AUTS2: variants seen among roughly 807,000 people sequenced by gnomAD.
AUTS2 encodes the protein autism susceptibility gene 2 protein.
A neutral mutation model predicts 112.4 loss-of-function variants in AUTS2; 17 were observed. The ratio of observed to expected loss-of-function variants is 0.15; its 90% CI spans 0.10 to 0.23. The LOEUF is 0.23. AUTS2 is among the 10% of genes least tolerant of loss of function. The pLI is 1.00. For synonymous variants in AUTS2, 751 were observed against 702.7 expected (o/e 1.07, Z -1.09); for missense variants, 1,510 against 1,701.6 (o/e 0.89, Z 1.98).
intron 18 of AUTS2, among the ~76,000 whole-genome samples, chr7:70,788,658 A>C (rs962467568): frequency 1.3e-5 from 2 of 152,218 alleles, no homozygotes; most frequent in African/African-American, 2.4e-5. Flanking sequence ...AAAGTCAGGA[A>C]GCTTAATAAA....
chr7:70,565,104 T>A (rs1339213372), intron 5 of AUTS2, among the ~76,000 whole-genome samples: 1 of 151,852 alleles, frequency 6.6e-6, no homozygotes, highest in African/African-American at 2.4e-5. Context: ...TCTCAAAAAA[T>A]AAATAAATAA....
intron 1 of AUTS2, among the ~76,000 whole-genome samples, chr7:69,769,615 T>C (rs1788576326): frequency 6.6e-6 from 1 of 152,224 alleles, no homozygotes; most frequent in Non-Finnish European, 1.5e-5. Context: ...TCCCCTCCTT[T>C]CCTGGGAGCT....
chr7:70,516,353 C>G (rs1339213086), intron 5 of AUTS2, among the ~76,000 whole-genome samples: 1 of 152,154 alleles, frequency 6.6e-6, no homozygotes, highest in Non-Finnish European at 1.5e-5. Context: ...ATGGTACTGC[C>G]AGCAAAGAGA....
At chr7:69,944,045 A>G (rs1405097592) in intron 2 of AUTS2, among the ~76,000 whole-genome samples, 1 of 152,224 alleles carries the variant, frequency 6.6e-6, no homozygotes, top group African/African-American at 2.4e-5. Flanking sequence ...AACTTCATAG[A>G]TTAAAATGAA....
chr7:70,032,620 T>C (rs531508272), intron 2 of AUTS2, among the ~76,000 whole-genome samples: 1 of 152,292 alleles, frequency 6.6e-6, no homozygotes, highest in South Asian at 2.1e-4. Context: ...TAAGCCACTG[T>C]GTATACACAT....
chr7:70,728,414 T>G (rs772593022), intron 6 of AUTS2, among the ~76,000 whole-genome samples: 5 of 151,996 alleles, frequency 3.3e-5, no homozygotes, highest in Admixed American at 6.6e-5. Context: ...AATTTCAAAG[T>G]CCATCTGGAG....
intron 2 of AUTS2, among the ~76,000 whole-genome samples, chr7:69,959,179 T>C (rs1353832461): frequency 6.6e-6 from 1 of 152,130 alleles, no homozygotes; most frequent in Non-Finnish European, 1.5e-5. Context: ...ATATAACTGC[T>C]ATTCTTTACC....
At chr7:70,248,048 T>C (rs1813019160) in intron 4 of AUTS2, among the ~76,000 whole-genome samples, 1 of 152,206 alleles carries the variant, frequency 6.6e-6, no homozygotes, top group Non-Finnish European at 1.5e-5. Flanking sequence ...TAAATCAATC[T>C]GTAATTCGGG....
chr7:70,346,101 C>A (rs1294473906), intron 4 of AUTS2, among the ~76,000 whole-genome samples: 1 of 152,104 alleles, frequency 6.6e-6, no homozygotes, highest in Non-Finnish European at 1.5e-5. Context: ...TCTGCTTTTC[C>A]AAAAACTATT....
At chr7:70,352,866 T>C (rs552511247) in intron 4 of AUTS2, among the ~76,000 whole-genome samples, 1 of 152,274 alleles carries the variant, frequency 6.6e-6, no homozygotes, top group East Asian at 1.9e-4. Flanking sequence ...GAAGTGACAT[T>C]CTAAGCGAAG....
At chr7:69,676,732 CT>C (rs1796582541) in intron 1 of AUTS2, among the ~76,000 whole-genome samples, 2 of 152,126 alleles carry the variant, frequency 1.3e-5, no homozygotes, top group South Asian at 4.2e-4. Context: ...TCTTACTTCT[CT>C]TTTTAGTTAA....
chr7:70,265,913 G>A (rs922364845), intron 4 of AUTS2, among the ~76,000 whole-genome samples: 3 of 152,184 alleles, frequency 2.0e-5, no homozygotes, highest in African/African-American at 4.8e-5. Flanking sequence ...TTATTTCTCA[G>A]TAAGGCCCAA....
intron 1 of AUTS2, among the ~76,000 whole-genome samples, chr7:69,881,242 C>T (rs1794029138): frequency 1.3e-5 from 2 of 152,184 alleles, no homozygotes. Context: ...CTGTATGTGT[C>T]AGTACTCAGC....
intron 5 of AUTS2, among the ~76,000 whole-genome samples, chr7:70,595,198 GAT>G (rs1459996727): frequency 3.3e-5 from 5 of 152,256 alleles, no homozygotes; most frequent in Admixed American, 3.3e-4. Context: ...CATTTGCAAG[GAT>G]GTCATCCTCA....
At chr7:69,875,030 C>A (rs889515379) in intron 1 of AUTS2, among the ~76,000 whole-genome samples, 3 of 151,126 alleles carry the variant, frequency 2.0e-5, no homozygotes, top group African/African-American at 7.3e-5. Flanking sequence ...AATCTACCCC[C>A]AACCCTTTTT....
In AUTS2 at chr7:69,660,718, G is replaced by A. The variant is rs535462080; in HGVS notation, c.309+60756G>A. Among the ~76,000 whole-genome samples, 12 of 152,276 alleles carry A rather than the reference G, an allele frequency of 7.9e-5. No homozygotes were observed. The South Asian group carries it at 2.5e-3, about 32-fold the overall frequency. On this transcript the variant is annotated intron_variant, in intron 1 of 18. Coordinates refer to ENST00000342771, the MANE Select transcript of AUTS2 (RefSeq NM_015570.4). ...GAGGCTGAGGTGGGCAGATCACGAG[G>A]TCAGGAGATCAAGACCTTCCTGGCT...
At chr7:70,409,255 C>T (rs964129964) in intron 4 of AUTS2, among the ~76,000 whole-genome samples, 3 of 152,094 alleles carry the variant, frequency 2.0e-5, no homozygotes, top group Non-Finnish European at 2.9e-5. Flanking sequence ...ACTTGGTATA[C>T]GTAAGCATGT....
At chr7:70,757,916 G>A (rs529451534) in intron 6 of AUTS2, among the ~76,000 whole-genome samples, 1 of 139,674 alleles carries the variant, frequency 7.2e-6, no homozygotes, top group South Asian at 2.2e-4. Flanking sequence ...CAAGTAGCTG[G>A]GATCACAGGC....
intron 1 of AUTS2, among the ~76,000 whole-genome samples, chr7:69,840,247 CAG>C (rs1237905739): frequency 6.6e-6 from 1 of 152,126 alleles, no homozygotes; most frequent in Non-Finnish European, 1.5e-5. Flanking sequence ...AAGCGTTTCT[CAG>C]AGTTAAATTA....
Sources: allele counts gnomAD v4.1 joint callset (sites outside exome capture counted in the v4.1 genomes callset), GRCh38; gene constraint gnomAD v4.1.1; transcripts MANE v1.5; gene names NCBI Gene and HGNC (gene_info 2026-07-23, HGNC 2026-07-21).